LTBP3: variants seen among roughly 807,000 people sequenced by gnomAD.
LTBP3 encodes latent transforming growth factor beta binding protein 3.
In LTBP3, 97 loss-of-function variants were observed where a neutral mutation model predicts 159.7. The observed-to-expected ratio is 0.61, with a 90% CI of 0.52 to 0.72. LTBP3 has a LOEUF of 0.72. Among genes scored for constraint, LTBP3 ranks in the 30% least tolerant of loss-of-function variants. The pLI, the probability that LTBP3 is intolerant of heterozygous loss-of-function variation, is 0.00. For synonymous variants in LTBP3, 824 were observed against 777.1 expected (o/e 1.06, Z -1.00); for missense variants, 1,584 against 1,864.3 (o/e 0.85, Z 2.77).
chr11:65,546,856 G>C lies in LTBP3; in HGVS notation c.2172C>G (p.Ser724Arg). Residue 724 changes from serine to arginine, a missense_variant, in exon 15 of 28, where the codon AGC becomes AGG. Physicochemically the swap from Ser to Arg is moderately radical, Grantham distance 110 (BLOSUM62 -1). Coordinates refer to ENST00000301873, the MANE Select transcript of LTBP3 (RefSeq NM_001130144.3). This position sits in a 1 kb window ranked among gnomAD's most constrained non-coding sequence, Gnocchi z 4.0. ...PDGKCENKPGSFKCIACQPGY... is the reference protein window; with the variant it reads ...PDGKCENKPGRFKCIACQPGY... ...CAGGCTGACAGGCGATGCACTTGAA[G>C]CTCCCGGGCTTGTTCTCGCATTTGC... 5 of 1,611,840 alleles carry C rather than the reference G, an allele frequency of 3.1e-6. No homozygotes were observed. The highest frequency in any genetic ancestry group is 3.4e-6 in the Non-Finnish European group (4 of 1,179,930).
Position 65,557,648 on chromosome 11 carries a change from C to A in LTBP3, c.312G>T (p.Thr104=), listed in dbSNP as rs760759276. 11 of 1,610,564 alleles carry A rather than the reference C, an allele frequency of 6.8e-6. No homozygotes were observed. The highest frequency in any genetic ancestry group is 8.5e-6 in the Non-Finnish European group (10 of 1,179,900). The part of the protein sequence containing the change: ...GENGHSTDTL[T]GSGFRVVVCP... ...CCTCACCCACGCGGAAGCCGGAGCC[C>A]GTGAGCGTGTCTGTGCTGTGGCCGT... The change falls in exon 1 of 28, where the codon ACG becomes ACT. Residue 104 remains threonine (T), a synonymous_variant. Transcript: ENST00000301873.
chr11:65,553,376 TGG>T lies in LTBP3; in HGVS notation c.970+47_970+48del. On this transcript the variant is annotated intron_variant, in intron 4 of 27. Transcript: ENST00000301873. This position sits in a 1 kb window ranked among gnomAD's most constrained non-coding sequence, Gnocchi z 6.5. ...CCACTGCAGGGATGGGTGGGGTGGG[TGG>T]GGAGGGGCCACCAGATAGGGAACGC... 3.4e-6 allele frequency: 1 copy of T among 290,590 alleles called. No individual in the cohort carries two copies. Among genetic ancestry groups the T allele is most frequent in the Non-Finnish European group, 5.2e-6 (1 of 190,766 alleles). 18.0% of individuals were successfully genotyped at this position (290,590 alleles called of 1,614,324 possible).
rs771664405 is a variant in LTBP3 at position 65,551,234 on chromosome 11, G to T, written c.1622-10C>A. On this transcript the variant is annotated splice_polypyrimidine_tract_variant and intron_variant, in intron 10 of 27. Transcript: ENST00000301873. ...GGACGGGAGATCAGCTCTGCGGGCG[G>T]CAGTGCACTCTGGTCAGAGACGATA... The T allele has an allele frequency of 6.5e-5, 101 of 1,543,864 alleles. No homozygotes were observed. The highest frequency in any genetic ancestry group is 8.7e-5 in the Non-Finnish European group (100 of 1,146,234).
Position 65,546,790 on chromosome 11 carries a change from G to T in LTBP3, c.2230+8C>A, listed in dbSNP as rs369111371. Reference sequence around the variant, plus strand: ...CCCCACCCACTCGGCTCCGGGCCCCGCCCTCACCGCGACAGGCCCCGCCCC... The same window carrying T: ...CCCCACCCACTCGGCTCCGGGCCCCTCCCTCACCGCGACAGGCCCCGCCCC... On this transcript the variant is annotated splice_region_variant and intron_variant, in intron 15 of 27. Transcript: ENST00000301873. The surrounding 1 kb of genome is among the most constrained non-coding windows in gnomAD (Gnocchi z 4.0). 2 of 1,414,132 alleles carry T rather than the reference G, an allele frequency of 1.4e-6. No homozygotes were observed. The highest frequency in any genetic ancestry group is 1.9e-6 in the Non-Finnish European group (2 of 1,063,850). The allele number at this position is 1,414,132 out of a possible 1,614,324, so 87.6% of individuals were successfully genotyped here.
intron 18 of LTBP3, chr11:65,542,769 T>C: frequency 2.8e-6 from 1 of 359,478 alleles, no homozygotes; most frequent in East Asian, 7.0e-5. Flanking sequence ...TACATTAATA[T>C]CTGTAAAGAG....
chr11:65,550,090 C>A (rs1259714547), intron 11 of LTBP3, among the ~76,000 whole-genome samples: 5 of 152,064 alleles, frequency 3.3e-5, no homozygotes, highest in Non-Finnish European at 5.9e-5. Flanking sequence ...TAAGCAGAAT[C>A]TCCTATGTCT....
chr11:65,547,267 C>T lies in LTBP3; in HGVS notation c.2107+172G>A, dbSNP rs1367561792. Among the ~76,000 whole-genome samples, 7 of 152,002 alleles carry T rather than the reference C, an allele frequency of 4.6e-5. No homozygotes were observed. Among genetic ancestry groups the T allele is most frequent in the East Asian group, 1.9e-4 (1 of 5,190 alleles). On this transcript the variant is annotated intron_variant, in intron 14 of 27. Transcript: ENST00000301873. The surrounding 1 kb of genome is among the most constrained non-coding windows in gnomAD (Gnocchi z 4.6). ...GCTGAGGCAGGAGAATCGCTTGAAC[C>T]CGGGAGGCGGAGGTTGCAGTGAGCC... is the stretch of plus-strand genomic sequence containing the variant.
In LTBP3 at chr11:65,547,754, G is replaced by T; in HGVS notation, c.1914C>A (p.Ser638=). ...AGCCGCGGTTGCAGTGGCAATTGTAGGAGCCGCCGGTGTTCATGCAGATGC... is the reference window on the plus strand; with the variant it reads ...AGCCGCGGTTGCAGTGGCAATTGTATGAGCCGCCGGTGTTCATGCAGATGC... ...GRGICMNTGG[S]YNCHCNRGYR... The change falls in exon 13 of 28, where the codon TCC becomes TCA. Residue 638 remains serine, a synonymous_variant. Coordinates refer to ENST00000301873, the MANE Select transcript of LTBP3 (RefSeq NM_001130144.3). The surrounding 1 kb of genome is among the most constrained non-coding windows in gnomAD (Gnocchi z 4.6). 6.2e-7 allele frequency: 1 copy of T among 1,609,908 alleles called. No individual in the cohort carries two copies. Among genetic ancestry groups the T allele is most frequent in the Non-Finnish European group, 8.5e-7 (1 of 1,178,688 alleles).
Position 65,547,362 on chromosome 11 carries a change from T to C in LTBP3, c.2107+77A>G. On this transcript the variant is annotated intron_variant, in intron 14 of 27. Coordinates refer to ENST00000301873, the MANE Select transcript of LTBP3 (RefSeq NM_001130144.3). The surrounding 1 kb of genome is among the most constrained non-coding windows in gnomAD (Gnocchi z 4.6). ...CCGTCTCGGGGGAAAAAAAAAAAAA[T>C]GCAGGCACCCCAGCCCCACCCCAGG... 2 of 1,495,092 alleles carry C rather than the reference T, an allele frequency of 1.3e-6. No individual in the cohort carries two copies. The highest frequency in any genetic ancestry group is 2.0e-5 in the Admixed American group (1 of 49,902). The allele number at this position is 1,495,092 out of a possible 1,614,324, so 92.6% of individuals were successfully genotyped here. A position where few individuals can be genotyped will look rare whatever the true frequency, so the allele number is the denominator to read the frequency against.
Position 65,538,683 on chromosome 11 carries a change from C to A in LTBP3, c.*397G>T. On this transcript the variant is annotated 3_prime_UTR_variant, in exon 28 of 28. Transcript: ENST00000301873. ...CCATCTCACGTGTACATAATCAGAG[C>A]CACAATAAATTCTATTTCACACCCC... 1.6e-6 allele frequency: 2 copies of A among 1,278,258 alleles called. No individual in the cohort carries two copies. The highest frequency in any genetic ancestry group is 2.1e-6 in the Non-Finnish European group (2 of 947,698). 79.2% of individuals were successfully genotyped at this position (1,278,258 alleles called of 1,614,324 possible). A position where few individuals can be genotyped will look rare whatever the true frequency, so the allele number is the denominator to read the frequency against.
Position 65,553,034 on chromosome 11 carries a change from C to T in LTBP3, c.1064-52G>A. ...CTGGTCTGGGGCCATGGGGTGACAG[C>T]AGGCTGCTCCAAGAACCTCAGGGTC... is the stretch of plus-strand genomic sequence containing the variant. On this transcript the variant is annotated intron_variant, in intron 5 of 27. Transcript: ENST00000301873. The surrounding 1 kb of genome is among the most constrained non-coding windows in gnomAD (Gnocchi z 6.5). The T allele has an allele frequency of 3.7e-6, 6 of 1,613,702 alleles. No homozygotes were observed. The highest frequency in any genetic ancestry group is 5.1e-6 in the Non-Finnish European group (6 of 1,179,714).
intron 1 of LTBP3, among the ~76,000 whole-genome samples, chr11:65,555,545 G>A (rs1416428788): frequency 6.6e-6 from 1 of 152,188 alleles, no homozygotes; most frequent in African/African-American, 2.4e-5. Context: ...AGCTCTGCCT[G>A]GCACCTGCTT....
At position 65,540,138 on chromosome 11, in the gene LTBP3, T is replaced by C; in HGVS notation, c.3260A>G (p.Gln1087Arg). ...SPEEMDVDECQDPAACRPGRC... is the reference protein window; with the variant it reads ...SPEEMDVDECRDPAACRPGRC... ...GCCAGGGCGGCAGGCTGCCGGGTCC[T>C]GGCACTCGTCCACGTCTACGAACAG... Residue 1087 changes from glutamine (Q) to arginine (R), a missense_variant, in exon 24 of 28, where the codon CAG becomes CGG. Transcript: ENST00000301873. The C allele has an allele frequency of 6.5e-7, 1 of 1,528,122 alleles. No individual in the cohort carries two copies. 94.7% of individuals were successfully genotyped at this position (1,528,122 alleles called of 1,614,324 possible).
In LTBP3 at chr11:65,557,870, C is replaced by T; in HGVS notation, c.90G>A (p.Leu30=). 1 of 1,321,718 alleles carries T rather than the reference C, an allele frequency of 7.6e-7. No homozygotes were observed. The highest frequency in any genetic ancestry group is 9.7e-7 in the Non-Finnish European group (1 of 1,028,388). The allele number at this position is 1,321,718 out of a possible 1,614,324, so 81.9% of individuals were successfully genotyped here. Residue 30 remains leucine (L), a synonymous_variant, in exon 1 of 28, where the codon CTG becomes CTA. Transcript: ENST00000301873. ...CGCCCAGGCCCAGCAGCAGCAGCAG[C>T]AGCAGCAGCAGCAGCGCCAGCAGCC... ...AAGLLALLLL[L]LLLLLGLGGR...
At chr11:65,550,749 G>C (rs570109373) in intron 11 of LTBP3, among the ~76,000 whole-genome samples, 1 of 152,148 alleles carries the variant, frequency 6.6e-6, no homozygotes, top group African/African-American at 2.4e-5. Flanking sequence ...GCTTGAACCC[G>C]GGAGGCGGAG....
At chr11:65,539,521 G>A (rs751832241) in intron 26 of LTBP3, 27 bp downstream of exon 26, 2 of 1,607,630 alleles carry the variant, frequency 1.2e-6, no homozygotes, top group Non-Finnish European at 1.7e-6. Context: ...TACCAACCCC[G>A]CCACCGCCCG....
At chr11:65,541,370 C>T in intron 19 of LTBP3, 77 bp from the exon 20 acceptor site, 1 of 1,550,996 alleles carries the variant, frequency 6.4e-7, no homozygotes, top group Non-Finnish European at 8.8e-7. Flanking sequence ...CACCACAGGT[C>T]TTTCCCCCCA....
intron 27 of LTBP3, 43 bp from the exon 28 acceptor site, chr11:65,539,274 G>A: frequency 6.6e-7 from 1 of 1,516,386 alleles, no homozygotes; most frequent in South Asian, 1.2e-5. Flanking sequence ...GAGCCTCCAG[G>A]CGGCTCCTCA....
At chr11:65,542,363 T>C (rs1379813130) in intron 18 of LTBP3, 2 of 152,588 alleles carry the variant, frequency 1.3e-5, no homozygotes, top group African/African-American at 5.0e-5. Context: ...ACCTGGAAAA[T>C]AGTAGGTGCT....
Sources: gnomAD v4.1 joint callset for allele counts (sites outside exome capture counted in the v4.1 genomes callset) on GRCh38, gnomAD v4.1.1 for gene constraint, Gnocchi (gnomAD v3.1) non-coding constraint, MANE v1.5 for transcripts, NCBI Gene and HGNC (gene_info 2026-07-23, HGNC 2026-07-21) for gene names.